Variants in ERC2 observed in about 807,000 individuals in gnomAD.
ERC2 encodes the protein ERC protein 2.
A neutral mutation model predicts 114.8 loss-of-function variants in ERC2; 42 were observed. The ratio of observed to expected loss-of-function variants is 0.37; its 90% CI spans 0.29 to 0.47. The LOEUF (loss-of-function observed/expected upper bound fraction) is 0.47, where lower values mean the gene tolerates loss of function less well. ERC2 is among the 20% of genes least tolerant of loss of function. ERC2 has a pLI of 0.99. For synonymous variants in ERC2, 454 were observed against 425.5 expected (o/e 1.07, Z -0.82); for missense variants, 939 against 1,150.7 (o/e 0.82, Z 2.66).
chr3:55,876,592 G>C (rs1289261684), intron 14 of ERC2, among the ~76,000 whole-genome samples: 1 of 152,318 alleles, frequency 6.6e-6, no homozygotes, highest in Admixed American at 6.5e-5. Context: ...TGTTATAATT[G>C]TGCATCAATT....
At chr3:55,900,706 C>T (rs1161960355) in intron 13 of ERC2, among the ~76,000 whole-genome samples, 1 of 152,164 alleles carries the variant, frequency 6.6e-6, no homozygotes, top group Admixed American at 6.5e-5. Context: ...TTTAAGCACA[C>T]AGAGTCCAAA....
chr3:56,012,872 AAT>A (rs1320965034), intron 8 of ERC2, among the ~76,000 whole-genome samples: 6 of 152,168 alleles, frequency 3.9e-5, no homozygotes, highest in Non-Finnish European at 4.4e-5. Context: ...AAATTCCAAC[AAT>A]GTGTTCTTGT....
At chr3:56,161,601 G>C (rs2082052677) in intron 4 of ERC2, among the ~76,000 whole-genome samples, 1 of 152,104 alleles carries the variant, frequency 6.6e-6, no homozygotes. Context: ...TCTTCTCATA[G>C]AGATCTTTCA....
chr3:55,658,993 A>G (rs1185534132), intron 17 of ERC2: 5 of 152,278 alleles, frequency 3.3e-5, no homozygotes, highest in African/African-American at 1.2e-4. Context: ...AGCAACCTGC[A>G]TCTGCCACCT....
At chr3:56,345,096 C>A (rs567524453) in intron 2 of ERC2, among the ~76,000 whole-genome samples, 1 of 152,346 alleles carries the variant, frequency 6.6e-6, no homozygotes, top group East Asian at 1.9e-4. Context: ...CCCCAAGTCT[C>A]TTCTGGTAAA....
chr3:55,690,408 C>T (rs928166460), intron 16 of ERC2, among the ~76,000 whole-genome samples: 4 of 152,184 alleles, frequency 2.6e-5, no homozygotes, highest in Admixed American at 6.5e-5. Flanking sequence ...TGGCCACCCC[C>T]TCTCAATGGG....
At chr3:56,416,677 A>AC (rs2061172836) in intron 2 of ERC2, among the ~76,000 whole-genome samples, 1 of 151,518 alleles carries the variant, frequency 6.6e-6, no homozygotes, top group Non-Finnish European at 1.5e-5. Flanking sequence ...AAAAAAAAAA[A>AC]AAAACTCCTG....
chr3:55,570,473 T>C (rs2056641484), intron 17 of ERC2, among the ~76,000 whole-genome samples: 1 of 152,158 alleles, frequency 6.6e-6, no homozygotes, highest in South Asian at 2.1e-4. Context: ...TCCAGGTTGG[T>C]TCCAAATGGT....
intron 7 of ERC2, among the ~76,000 whole-genome samples, chr3:56,071,862 A>C (rs2076756609): frequency 6.6e-6 from 1 of 152,220 alleles, no homozygotes; most frequent in East Asian, 1.9e-4. Flanking sequence ...GACATGAAGC[A>C]CACACAAAGT....
chr3:56,317,861 C>T (rs1347769204), intron 2 of ERC2, among the ~76,000 whole-genome samples: 1 of 152,176 alleles, frequency 6.6e-6, no homozygotes, highest in East Asian at 1.9e-4. Flanking sequence ...ACAGGGTAGT[C>T]AAGCAGTCAG....
Position 55,512,095 on chromosome 3 carries a change from A to G in ERC2, c.*40-819T>C, listed in dbSNP as rs182341001. Among the ~76,000 whole-genome samples, 370 of 152,374 alleles carry G rather than the reference A, an allele frequency of 2.4e-3. 1 individual carries two copies. The highest frequency in any genetic ancestry group is 3.0e-3 in the Non-Finnish European group (204 of 68,030). On this transcript the variant is annotated intron_variant, in intron 17 of 17. Transcript: ENST00000288221. ...CAAACATACACACACACACTCGTGT[A>G]CACACAAGTCACCTTGTATATATAT... is the stretch of plus-strand genomic sequence containing the variant.
chr3:56,431,343 A>G (rs1170033958), intron 2 of ERC2, among the ~76,000 whole-genome samples: 3 of 151,926 alleles, frequency 2.0e-5, no homozygotes, highest in African/African-American at 7.3e-5. Flanking sequence ...TCCACCTCAC[A>G]CTCCCTTCAA....
chr3:55,959,257 G>A (rs2068190615), intron 12 of ERC2, among the ~76,000 whole-genome samples: 1 of 152,168 alleles, frequency 6.6e-6, no homozygotes, highest in Admixed American at 6.5e-5. Flanking sequence ...ATTTCACTCT[G>A]GCGGAGGTTC....
chr3:56,386,483 T>A (rs901662879), intron 2 of ERC2, among the ~76,000 whole-genome samples: 3 of 152,174 alleles, frequency 2.0e-5, no homozygotes, highest in Non-Finnish European at 2.9e-5. Flanking sequence ...TCTGGAGAAC[T>A]TTTGAAAATA....
chr3:56,235,952 T>G (rs4974125), intron 3 of ERC2, among the ~76,000 whole-genome samples: 140,041 of 152,184 alleles, frequency 0.92, 64,810 homozygotes, highest in East Asian at 1. Flanking sequence ...CCCTGGTAAA[T>G]AACAATATAA....
At chr3:56,161,927 A>C (rs2082070519) in intron 4 of ERC2, among the ~76,000 whole-genome samples, 1 of 152,150 alleles carries the variant, frequency 6.6e-6, no homozygotes. Flanking sequence ...TATGTTGAAT[A>C]CGAGTAATGA....
intron 1 of ERC2, among the ~76,000 whole-genome samples, chr3:56,467,888 A>T (rs1313408580): frequency 6.6e-6 from 1 of 151,656 alleles, no homozygotes; most frequent in African/African-American, 2.4e-5. Flanking sequence ...GACGCCAGGC[A>T]GAAGAGGGGG....
At chr3:55,705,112 G>A (rs1246772194) in intron 15 of ERC2, among the ~76,000 whole-genome samples, 1 of 152,124 alleles carries the variant, frequency 6.6e-6, no homozygotes, top group East Asian at 1.9e-4. Flanking sequence ...AGGACATGAG[G>A]AAATAGAAGC....
intron 2 of ERC2, among the ~76,000 whole-genome samples, chr3:56,345,236 G>T (rs1333336335): frequency 1.3e-5 from 2 of 152,110 alleles, no homozygotes; most frequent in Non-Finnish European, 2.9e-5. Context: ...CTGAATATAG[G>T]CTTGCCTTTA....
Sources: allele counts gnomAD v4.1 joint callset (sites outside exome capture counted in the v4.1 genomes callset), GRCh38; gene constraint gnomAD v4.1.1; transcripts MANE v1.5; gene names NCBI Gene and HGNC (gene_info 2026-07-23, HGNC 2026-07-21).